GRID2: variants seen among roughly 807,000 people sequenced by gnomAD.
The protein encoded by GRID2 is glutamate receptor ionotropic, delta-2.
In GRID2, 33 loss-of-function variants were observed where a neutral mutation model predicts 114.8. The ratio of observed to expected loss-of-function variants is 0.29; its 90% CI spans 0.22 to 0.38. The LOEUF (loss-of-function observed/expected upper bound fraction) is 0.38, where lower values mean the gene tolerates loss of function less well. GRID2 is among the 10% of genes least tolerant of loss of function. The probability of loss-of-function intolerance (pLI) is 1.00; values close to 1 mark genes in which losing one functional copy is unlikely to be tolerated. For missense variants in GRID2, 1,184 were observed against 1,257.7 expected (o/e 0.94, Z 0.89); for synonymous variants, 505 against 449.9 (o/e 1.12, Z -1.55).
intron 7 of GRID2, among the ~76,000 whole-genome samples, chr4:93,229,643 A>C (rs1429075337): frequency 6.6e-6 from 1 of 152,188 alleles, no homozygotes; most frequent in South Asian, 2.1e-4. Context: ...GGCACGCTAC[A>C]TACACATTAA....
chr4:92,788,441 A>G (rs941221285), intron 2 of GRID2, among the ~76,000 whole-genome samples: 1 of 151,954 alleles, frequency 6.6e-6, no homozygotes, highest in Non-Finnish European at 1.5e-5. Flanking sequence ...CTTTGCTGCT[A>G]AAGAAAGTAA....
chr4:92,746,182 C>G (rs1285447591), intron 2 of GRID2, among the ~76,000 whole-genome samples: 1 of 151,958 alleles, frequency 6.6e-6, no homozygotes, highest in Non-Finnish European at 1.5e-5. Context: ...ATATTTTGCG[C>G]TATGGTACCT....
At chr4:93,278,572 A>G (rs1404048304) in intron 8 of GRID2, among the ~76,000 whole-genome samples, 6 of 152,004 alleles carry the variant, frequency 3.9e-5, no homozygotes, top group Non-Finnish European at 1.5e-5. Context: ...TATCCACAAA[A>G]TAGTTTCAGG....
At chr4:93,185,938 G>A (rs1272323842) in intron 4 of GRID2, among the ~76,000 whole-genome samples, 4 of 151,278 alleles carry the variant, frequency 2.6e-5, no homozygotes, top group Non-Finnish European at 4.4e-5. Context: ...GATGTTTCCC[G>A]CCCTGTGTCC....
At chr4:93,093,957 A>G (rs146228324) in intron 3 of GRID2, among the ~76,000 whole-genome samples, 1 of 151,946 alleles carries the variant, frequency 6.6e-6, no homozygotes, top group Non-Finnish European at 1.5e-5. Context: ...GTTTTGGTCT[A>G]CTCCAAGCTC....
At chr4:93,554,190 G>A (rs1279774670) in intron 13 of GRID2, among the ~76,000 whole-genome samples, 1 of 152,064 alleles carries the variant, frequency 6.6e-6, no homozygotes, top group Admixed American at 6.6e-5. Flanking sequence ...AAAAGGAATT[G>A]GAACTTTACC....
intron 9 of GRID2, among the ~76,000 whole-genome samples, chr4:93,420,529 G>T (rs1768154709): frequency 6.6e-6 from 1 of 151,874 alleles, no homozygotes; most frequent in African/African-American, 2.4e-5. Flanking sequence ...AATATTAAAG[G>T]TTTGCTTGTT....
intron 10 of GRID2, among the ~76,000 whole-genome samples, chr4:93,449,810 G>C (rs922804946): frequency 5.3e-5 from 8 of 151,930 alleles, no homozygotes; most frequent in Non-Finnish European, 7.4e-5. Context: ...AGAATTAAAG[G>C]CTTGCTCCTC....
chr4:93,586,424 C>T (rs1737546995), intron 13 of GRID2, among the ~76,000 whole-genome samples: 1 of 152,122 alleles, frequency 6.6e-6, no homozygotes, highest in Non-Finnish European at 1.5e-5. Context: ...ATGAGTACCC[C>T]TCTGCCATTA....
intron 1 of GRID2, among the ~76,000 whole-genome samples, chr4:92,460,603 C>T (rs1721448089): frequency 6.6e-6 from 1 of 152,112 alleles, no homozygotes; most frequent in South Asian, 2.1e-4. Flanking sequence ...TTCTGTCTTG[C>T]TCACACTTTT....
chr4:93,807,698 A>C (rs150650316), exon 2 of GRID2: 3 of 152,342 alleles, frequency 2.0e-5, no homozygotes, highest in African/African-American at 7.2e-5. Context: ...ACATTCATTT[A>C]TAATACCTCT....
chr4:93,313,934 T>C (rs1756295595), intron 8 of GRID2, among the ~76,000 whole-genome samples: 1 of 152,052 alleles, frequency 6.6e-6, no homozygotes, highest in Non-Finnish European at 1.5e-5. Flanking sequence ...CTAGCATGTG[T>C]AAAAAGTCTA....
intron 14 of GRID2, among the ~76,000 whole-genome samples, chr4:93,636,185 C>T (rs934534828): frequency 6.6e-6 from 1 of 152,120 alleles, no homozygotes; most frequent in Non-Finnish European, 1.5e-5. Context: ...AGTATTTCAG[C>T]TGGATAATAA....
At chr4:93,599,191 G>A (rs1026273804) in intron 13 of GRID2, among the ~76,000 whole-genome samples, 2 of 152,162 alleles carry the variant, frequency 1.3e-5, no homozygotes, top group African/African-American at 4.8e-5. Flanking sequence ...GGATGGACTT[G>A]AATGTGAATC....
At chr4:93,005,448 C>T (rs1211009028) in intron 2 of GRID2, among the ~76,000 whole-genome samples, 1 of 152,012 alleles carries the variant, frequency 6.6e-6, no homozygotes, top group Non-Finnish European at 1.5e-5. Flanking sequence ...TCCTGCTTCC[C>T]CGTTTCCCAG....
At chr4:93,574,235 T>C (rs1057000687) in intron 13 of GRID2, among the ~76,000 whole-genome samples, 7 of 152,150 alleles carry the variant, frequency 4.6e-5, no homozygotes, top group African/African-American at 1.4e-4. Flanking sequence ...CATTTATCTT[T>C]CCTGTAGTGA....
intron 2 of GRID2, among the ~76,000 whole-genome samples, chr4:92,669,185 T>A (rs1579806830): frequency 6.6e-6 from 1 of 151,982 alleles, no homozygotes; most frequent in East Asian, 1.9e-4. Context: ...AAAGTTCTAT[T>A]CATTTTTATA....
chr4:92,600,040 GTGTGTATATATATATATATATATA>G (rs1729138294), intron 2 of GRID2, among the ~76,000 whole-genome samples: 1 of 70,726 alleles, frequency 1.4e-5, no homozygotes, highest in African/African-American at 5.7e-5. Context: ...GTGTGTGTGT[GTGTGTATATATATATATATATATA>G]TATATATATA....
chr4:92,745,930 G>A (rs947987386), intron 2 of GRID2, among the ~76,000 whole-genome samples: 6 of 152,078 alleles, frequency 3.9e-5, no homozygotes, highest in Non-Finnish European at 5.9e-5. Context: ...GAAAATCATC[G>A]GGTTTCTTTC....
Sources: gnomAD v4.1 joint callset for allele counts (sites outside exome capture counted in the v4.1 genomes callset) on GRCh38, gnomAD v4.1.1 for gene constraint, MANE v1.5 for transcripts, NCBI Gene and HGNC (gene_info 2026-07-23, HGNC 2026-07-21) for gene names.